The following FRMD4A variants were observed in gnomAD, a reference collection of about 807,000 sequenced individuals.
The protein encoded by FRMD4A is FERM domain-containing protein 4A.
In FRMD4A, 29 loss-of-function variants were observed where a neutral mutation model predicts 129.1. The ratio of observed to expected loss-of-function variants is 0.22; its 90% CI spans 0.17 to 0.31. The LOEUF (loss-of-function observed/expected upper bound fraction) is 0.31, where lower values mean the gene tolerates loss of function less well. Ranked by LOEUF, FRMD4A falls within the 10% of genes least tolerant of loss-of-function variation. FRMD4A has a pLI of 1.00. For synonymous variants in FRMD4A, 634 were observed against 571.6 expected, an observed-to-expected ratio of 1.11 and a Z score of -1.56; for missense variants, 1,272 against 1,375.8, an observed-to-expected ratio of 0.92 and a Z score of 1.19.
intron 2 of FRMD4A, among the ~76,000 whole-genome samples, chr10:14,094,476 T>G (rs1836836210): frequency 6.6e-6 from 1 of 152,170 alleles, no homozygotes; most frequent in Admixed American, 6.5e-5. Context: ...CCTCTCACTG[T>G]GAATGCAAAG....
chr10:13,782,295 A>T (rs746452441), intron 6 of FRMD4A, among the ~76,000 whole-genome samples: 1 of 152,114 alleles, frequency 6.6e-6, no homozygotes, highest in Non-Finnish European at 1.5e-5. Flanking sequence ...TGCATTTGTC[A>T]TACTTGTCTA....
intron 2 of FRMD4A, among the ~76,000 whole-genome samples, chr10:14,018,702 A>G (rs1832593536): frequency 6.6e-6 from 1 of 152,146 alleles, no homozygotes; most frequent in African/African-American, 2.4e-5. Context: ...AATTGTCCAA[A>G]TGAGAAATGA....
At chr10:13,827,570 T>C (rs548277042) in intron 3 of FRMD4A, among the ~76,000 whole-genome samples, 1 of 152,294 alleles carries the variant, frequency 6.6e-6, no homozygotes, top group Admixed American at 6.5e-5. Context: ...ATAATAAATA[T>C]GAAGTCAGTC....
chr10:13,888,951 T>A (rs2094660165), intron 2 of FRMD4A, among the ~76,000 whole-genome samples: 1 of 152,258 alleles, frequency 6.6e-6, no homozygotes, highest in Non-Finnish European at 1.5e-5. Flanking sequence ...ATTGCTCCAT[T>A]ATACTTTCAT....
At chr10:14,013,514 G>A (rs2095688751) in intron 2 of FRMD4A, among the ~76,000 whole-genome samples, 1 of 152,202 alleles carries the variant, frequency 6.6e-6, no homozygotes, top group South Asian at 2.1e-4. Flanking sequence ...CTTATTGGAA[G>A]AGAGACATCT....
Position 13,953,239 on chromosome 10 carries a change from T to C in FRMD4A, c.46-94327A>G, listed in dbSNP as rs182238464. 2.4e-3 allele frequency among the ~76,000 whole-genome samples: 360 copies of C among 152,330 alleles called. 9 individuals are homozygous for C. Among genetic ancestry groups the C allele is most frequent in the Admixed American group, 0.021 (316 of 15,300 alleles). ...TTTGCAGGAACAATTTTGTGTCCTGTTTTTGTTCTCATCTACCCTTAGCTT... is the reference window on the plus strand; with the variant it reads ...TTTGCAGGAACAATTTTGTGTCCTGCTTTTGTTCTCATCTACCCTTAGCTT... On this transcript the variant is annotated intron_variant, in intron 2 of 24. Transcript: ENST00000357447.
intron 2 of FRMD4A, among the ~76,000 whole-genome samples, chr10:14,117,699 T>A (rs1267607378): frequency 6.6e-6 from 1 of 152,204 alleles, no homozygotes; most frequent in East Asian, 1.9e-4. Flanking sequence ...GGAAGTAGAG[T>A]TTGAAGAGCT....
At chr10:14,253,507 C>A (rs891231402) in intron 2 of FRMD4A, among the ~76,000 whole-genome samples, 3 of 152,180 alleles carry the variant, frequency 2.0e-5, no homozygotes, top group African/African-American at 7.2e-5. Context: ...CTATCTAATT[C>A]TTTATCACTG....
At chr10:14,094,212 T>C (rs1836815184) in intron 2 of FRMD4A, among the ~76,000 whole-genome samples, 1 of 152,148 alleles carries the variant, frequency 6.6e-6, no homozygotes, top group Non-Finnish European at 1.5e-5. Flanking sequence ...TCCCCTTCGG[T>C]TGAACCCAAA....
At chr10:14,021,613 T>C (rs994740860) in intron 2 of FRMD4A, among the ~76,000 whole-genome samples, 2 of 150,722 alleles carry the variant, frequency 1.3e-5, no homozygotes, top group Non-Finnish European at 3.0e-5. Flanking sequence ...TGGGGGAGGG[T>C]TCTGTTTCCC....
intron 2 of FRMD4A, among the ~76,000 whole-genome samples, chr10:13,861,987 A>G (rs1171662333): frequency 6.6e-6 from 1 of 152,230 alleles, no homozygotes; most frequent in Non-Finnish European, 1.5e-5. Flanking sequence ...ACTTTAGATA[A>G]AAATTTCGAG....
At chr10:13,811,440 G>C (rs2093443841) in intron 3 of FRMD4A, among the ~76,000 whole-genome samples, 1 of 151,022 alleles carries the variant, frequency 6.6e-6, no homozygotes, top group East Asian at 2.0e-4. Flanking sequence ...GCTAATTTTT[G>C]TATTTTTAGT....
rs977884835 is a variant in FRMD4A, at chr10:13,644,461, CTG to C, written c.*2575_*2576del. ...CAGTAAAACCTGTTTTACTTAATCTCTGTCTTGACTACCAGACTATCATGATG... is the reference window on the plus strand; with the variant it reads ...CAGTAAAACCTGTTTTACTTAATCTCTCTTGACTACCAGACTATCATGATG... On this transcript the variant is annotated 3_prime_UTR_variant, in exon 25 of 25. Coordinates refer to ENST00000357447, the MANE Select transcript of FRMD4A (RefSeq NM_018027.5). 2 of 152,244 alleles carry C rather than the reference CTG, an allele frequency of 1.3e-5. No homozygotes were observed. Among genetic ancestry groups the C allele is most frequent in the Non-Finnish European group, 2.9e-5 (2 of 68,046 alleles). 9.4% of individuals were successfully genotyped at this position (152,244 alleles called of 1,614,324 possible).
rs11596172 is a variant in FRMD4A, at chr10:13,679,474, T to C, written c.1118-4430A>G. Among the ~76,000 whole-genome samples the C allele has an allele frequency of 6.0e-3, 189 of 31,476 alleles. 7 individuals carry two copies. Among genetic ancestry groups the C allele is most frequent in the Middle Eastern group, 0.016 (1 of 64 alleles). 20.6% of individuals were successfully genotyped at this position (31,476 alleles called of 152,430 possible). On this transcript the variant is annotated intron_variant, in intron 15 of 24. Coordinates refer to ENST00000357447, the MANE Select transcript of FRMD4A (RefSeq NM_018027.5). Reference sequence around the variant, plus strand: ...AAAAAAAAAAAAATATATATATATATACACACACACACACACACACACACA... The same window carrying C: ...AAAAAAAAAAAAATATATATATATACACACACACACACACACACACACACA...
At chr10:14,318,612 C>CA (rs66547751) in intron 2 of FRMD4A, among the ~76,000 whole-genome samples, 79,313 of 134,560 alleles carry the variant, frequency 0.59, 23,827 homozygotes, top group Non-Finnish European at 0.67. Context: ...TGCTAGTATG[C>CA]AAAAAAAAAA....
At chr10:14,067,761 G>A (rs917935318) in intron 2 of FRMD4A, among the ~76,000 whole-genome samples, 1 of 152,196 alleles carries the variant, frequency 6.6e-6, no homozygotes, top group African/African-American at 2.4e-5. Flanking sequence ...AGGTTGCAGT[G>A]AGCAGAGATT....
chr10:13,743,499 C>T (rs2091126652), intron 9 of FRMD4A, among the ~76,000 whole-genome samples: 1 of 152,122 alleles, frequency 6.6e-6, no homozygotes, highest in Non-Finnish European at 1.5e-5. Flanking sequence ...TCAGGAGGTG[C>T]AAGTCAACAT....
intron 6 of FRMD4A, among the ~76,000 whole-genome samples, chr10:13,779,383 T>A (rs2092682958): frequency 6.6e-6 from 1 of 152,174 alleles, no homozygotes; most frequent in African/African-American, 2.4e-5. Flanking sequence ...GAAAATTCCT[T>A]ACTGAGATCA....
intron 6 of FRMD4A, among the ~76,000 whole-genome samples, chr10:13,763,033 T>C (rs1246212127): frequency 2.6e-5 from 4 of 152,114 alleles, no homozygotes; most frequent in Non-Finnish European, 5.9e-5. Flanking sequence ...TTGCTCAGAA[T>C]CCCCAATATT....
Sources: gnomAD v4.1 joint callset for allele counts (sites outside exome capture counted in the v4.1 genomes callset) on GRCh38, gnomAD v4.1.1 for gene constraint, MANE v1.5 for transcripts, NCBI Gene and HGNC (gene_info 2026-07-23, HGNC 2026-07-21) for gene names.